SDK1: variants seen among roughly 807,000 people sequenced by gnomAD.
The protein encoded by SDK1 is sidekick cell adhesion molecule 1.
Under a neutral mutation model 245.5 loss-of-function variants are expected in SDK1, and 157 were observed. The observed-to-expected ratio is 0.64, with a 90% confidence interval of 0.56 to 0.73. The LOEUF (loss-of-function observed/expected upper bound fraction) is 0.73, where lower values mean the gene tolerates loss of function less well. SDK1 is among the 30% of genes least tolerant of loss of function. The pLI is 0.00. For synonymous variants in SDK1, 1,647 were observed against 1,278.5 expected, an observed-to-expected ratio of 1.29 and a Z score of -6.15; for missense variants, 3,583 against 3,002.3, an observed-to-expected ratio of 1.19 and a Z score of -4.52.
Position 4,158,449 on chromosome 7 carries a change from C to G in SDK1, c.4627C>G (p.Leu1543Val). ...GTCACGGTCTCTTCCACATTGCAGACTGAGGCCCTTCACCTCCTACAAGCT... is the reference window on the plus strand; with the variant it reads ...GTCACGGTCTCTTCCACATTGCAGAGTGAGGCCCTTCACCTCCTACAAGCT... ...HEATACVVDRLRPFTSYKLRL... is the reference protein window; with the variant it reads ...HEATACVVDRVRPFTSYKLRL... Residue 1543 changes from leucine (L) to valine (V), a missense_variant and splice_region_variant, in exon 31 of 45, where the codon CTG (leucine) becomes GTG (valine). Physicochemically the swap from Leu to Val is conservative, Grantham distance 32. Transcript: ENST00000404826. The G allele has an allele frequency of 6.2e-7, 1 of 1,612,522 alleles. No homozygotes were observed. Among genetic ancestry groups the G allele is most frequent in the Non-Finnish European group, 8.5e-7 (1 of 1,179,202 alleles).
intron 5 of SDK1, among the ~76,000 whole-genome samples, chr7:3,921,364 C>G (rs1421127784): frequency 4.6e-5 from 7 of 152,154 alleles, no homozygotes; most frequent in Non-Finnish European, 8.8e-5. Flanking sequence ...TAACCTGTCT[C>G]CATCATTGGA....
At chr7:3,631,977 T>G (rs1326772812) in intron 2 of SDK1, among the ~76,000 whole-genome samples, 1 of 152,226 alleles carries the variant, frequency 6.6e-6, no homozygotes, top group Non-Finnish European at 1.5e-5. Context: ...ATTTTTTTGA[T>G]TATGTAGAAA....
At chr7:4,179,923 A>C (rs958860668) in intron 35 of SDK1, among the ~76,000 whole-genome samples, 1 of 151,818 alleles carries the variant, frequency 6.6e-6, no homozygotes. Flanking sequence ...CAGTGTCTGA[A>C]CTGCAAGCAG....
intron 14 of SDK1, among the ~76,000 whole-genome samples, chr7:3,993,257 G>T (rs918478638): frequency 6.6e-6 from 1 of 152,228 alleles, no homozygotes; most frequent in Non-Finnish European, 1.5e-5. Context: ...CTGAGCCTCT[G>T]CGTGTTTTCC....
chr7:4,110,407 G>C (rs1235775196), intron 22 of SDK1, among the ~76,000 whole-genome samples: 1 of 152,192 alleles, frequency 6.6e-6, no homozygotes, highest in Non-Finnish European at 1.5e-5. Context: ...TTCACTGTTT[G>C]GGTCCAGTCC....
intron 2 of SDK1, among the ~76,000 whole-genome samples, chr7:3,628,072 G>A (rs965680664): frequency 1.3e-5 from 2 of 151,954 alleles, no homozygotes; most frequent in Non-Finnish European, 2.9e-5. Flanking sequence ...CCTTAACTGC[G>A]CTCCCTTTGG....
intron 1 of SDK1, among the ~76,000 whole-genome samples, chr7:3,474,723 C>T (rs1583912803): frequency 1.3e-5 from 2 of 152,136 alleles, no homozygotes; most frequent in Admixed American, 6.5e-5. Flanking sequence ...CAGGGTCTTA[C>T]TCTGTCACCC....
intron 5 of SDK1, among the ~76,000 whole-genome samples, chr7:3,838,401 G>A (rs1260251252): frequency 6.6e-6 from 1 of 152,202 alleles, no homozygotes; most frequent in African/African-American, 2.4e-5. Flanking sequence ...TTTCCCCTGA[G>A]AGACGATGTT....
At chr7:3,817,428 A>T (rs1170637388) in intron 4 of SDK1, among the ~76,000 whole-genome samples, 1 of 152,230 alleles carries the variant, frequency 6.6e-6, no homozygotes, top group African/African-American at 2.4e-5. Flanking sequence ...TGCTGATTAA[A>T]TAGTGAAACA....
chr7:3,757,571 A>G (rs1405775372), intron 4 of SDK1, among the ~76,000 whole-genome samples: 1 of 152,234 alleles, frequency 6.6e-6, no homozygotes, highest in Non-Finnish European at 1.5e-5. Context: ...CCAATTTATT[A>G]TAAAGGATAC....
chr7:4,173,547 G>C (rs977711701), intron 32 of SDK1, among the ~76,000 whole-genome samples: 1 of 152,222 alleles, frequency 6.6e-6, no homozygotes, highest in Non-Finnish European at 1.5e-5. Context: ...TATTCCATGG[G>C]AGTCTAATGT....
intron 22 of SDK1, among the ~76,000 whole-genome samples, chr7:4,087,561 C>T (rs928058802): frequency 3.9e-5 from 6 of 152,094 alleles, no homozygotes; most frequent in African/African-American, 1.4e-4. Flanking sequence ...GGTGTTGAAT[C>T]TTTCTGTTCA....
chr7:4,257,136 A>G (rs1787685819), intron 44 of SDK1, among the ~76,000 whole-genome samples: 1 of 152,206 alleles, frequency 6.6e-6, no homozygotes, highest in Non-Finnish European at 1.5e-5. Flanking sequence ...CTGTTTTCAA[A>G]ATCCCTCCTG....
intron 5 of SDK1, among the ~76,000 whole-genome samples, chr7:3,904,564 G>A (rs931217360): frequency 6.6e-6 from 1 of 152,112 alleles, no homozygotes; most frequent in Non-Finnish European, 1.5e-5. Flanking sequence ...ACATGGTGGT[G>A]CACACTTGTA....
chr7:3,502,826 T>A (rs916760101), intron 1 of SDK1, among the ~76,000 whole-genome samples: 1 of 152,226 alleles, frequency 6.6e-6, no homozygotes, highest in Non-Finnish European at 1.5e-5. Context: ...CAGCTTCAGC[T>A]TTTGATTTTC....
intron 10 of SDK1, among the ~76,000 whole-genome samples, chr7:3,968,597 T>C (rs1284185783): frequency 6.6e-6 from 1 of 152,218 alleles, no homozygotes; most frequent in Non-Finnish European, 1.5e-5. Flanking sequence ...ATAAAAATGT[T>C]TCAAATACAT....
At chr7:3,790,465 C>G (rs899980128) in intron 4 of SDK1, among the ~76,000 whole-genome samples, 2 of 152,078 alleles carry the variant, frequency 1.3e-5, no homozygotes, top group African/African-American at 4.8e-5. Context: ...GCTGAGAAAT[C>G]AGAAGCGAAT....
intron 4 of SDK1, among the ~76,000 whole-genome samples, chr7:3,766,665 G>C (rs780787039): frequency 1.3e-5 from 2 of 152,114 alleles, no homozygotes; most frequent in African/African-American, 2.4e-5. Flanking sequence ...GTTATTATGG[G>C]CTATTATGAC....
At chr7:4,086,614 C>T (rs1002447445) in intron 22 of SDK1, among the ~76,000 whole-genome samples, 2 of 152,096 alleles carry the variant, frequency 1.3e-5, no homozygotes, top group Admixed American at 6.5e-5. Context: ...GACTCTGGCT[C>T]TTTCCTCCTC....
Sources: gnomAD v4.1 joint callset for allele counts (sites outside exome capture counted in the v4.1 genomes callset) on GRCh38, gnomAD v4.1.1 for gene constraint, MANE v1.5 for transcripts, NCBI Gene and HGNC (gene_info 2026-07-23, HGNC 2026-07-21) for gene names.